The following CAPN15 variants were observed in gnomAD, a reference collection of about 807,000 sequenced individuals.
CAPN15 encodes calpain 15, also known as calpain-15.
Under a neutral mutation model 97.9 loss-of-function variants are expected in CAPN15, and 53 were observed. The ratio of observed to expected loss-of-function variants is 0.54; its 90% CI spans 0.43 to 0.68. The LOEUF (loss-of-function observed/expected upper bound fraction) is 0.68. Among genes scored for constraint, CAPN15 ranks in the 30% least tolerant of loss-of-function variants. The pLI is 0.00. For missense variants in CAPN15, 1,592 were observed against 1,589.8 expected, an observed-to-expected ratio of 1.00 and a Z score of -0.02; for synonymous variants, 922 against 722.5, an observed-to-expected ratio of 1.28 and a Z score of -4.43.
At position 547,300 on chromosome 16, in the gene CAPN15, G is replaced by T; in HGVS notation, c.462G>T (p.Leu154=). The T allele has an allele frequency of 6.6e-7, 1 of 1,522,930 alleles. No individual in the cohort carries two copies. Among genetic ancestry groups the T allele is most frequent in the African/African-American group, 1.4e-5 (1 of 72,952 alleles). The allele number at this position is 1,522,930 out of a possible 1,614,324, so 94.3% of individuals were successfully genotyped here. ...GCTGGGCGTGTCCGCGTTGCACGCT[G>T]CACAACACGCCCGTGGCCAGCTCCT... ...RGGWACPRCT[L]HNTPVASSCS... is the part of the protein sequence containing the mutation. Residue 154 remains leucine, a synonymous_variant, in exon 4 of 14, where the codon CTG becomes CTT. Coordinates refer to ENST00000219611, the MANE Select transcript of CAPN15 (RefSeq NM_005632.3).
intron 4 of CAPN15, 130 bp from the exon 5 acceptor site, chr16:548,863 G>C: frequency 1.2e-6 from 1 of 852,110 alleles, no homozygotes. Context: ...GTCTGTGGCT[G>C]TCCACGCTCC....
At chr16:546,732 G>T (rs533014229) in intron 3 of CAPN15, 85 bp from the exon 4 acceptor site, 6 of 1,453,364 alleles carry the variant, frequency 4.1e-6, no homozygotes, top group Non-Finnish European at 5.5e-6. Flanking sequence ...GCCACAGACG[G>T]GTGCCTTCCC....
At chr16:545,704 G>C (rs990469639) in intron 3 of CAPN15, among the ~76,000 whole-genome samples, 7 of 152,342 alleles carry the variant, frequency 4.6e-5, no homozygotes, top group African/African-American at 1.7e-4. Context: ...GACAACTACA[G>C]GGCCAAAGGG....
rs1011699854 is a variant in CAPN15 at position 552,727 on chromosome 16, G to A, written c.2860G>A (p.Asp954Asn). ...PVEAQPTTLA[D>N]AIILLTESRG... Reference sequence around the variant, plus strand: ...GGAAGCCCAGCCGACCACGCTGGCCGACGCCATCATCCTGCTCACCGAGAG... The same window carrying A: ...GGAAGCCCAGCCGACCACGCTGGCCAACGCCATCATCCTGCTCACCGAGAG... Residue 954 changes from aspartate to asparagine, a missense_variant, in exon 12 of 14, where the codon GAC becomes AAC. Coordinates refer to ENST00000219611, the MANE Select transcript of CAPN15 (RefSeq NM_005632.3). This position sits in a 1 kb window ranked among gnomAD's most constrained non-coding sequence, Gnocchi z 6.4. 49 of 1,544,426 alleles carry A rather than the reference G, an allele frequency of 3.2e-5. No homozygotes were observed. Among genetic ancestry groups the A allele is most frequent in the Non-Finnish European group, 3.9e-5 (45 of 1,145,794 alleles).
chr16:543,655 C>T (rs2034312988), intron 3 of CAPN15, among the ~76,000 whole-genome samples: 1 of 152,162 alleles, frequency 6.6e-6, no homozygotes, highest in Admixed American at 6.5e-5. Flanking sequence ...GTGAGGAGAC[C>T]CCCAGGCTAG....
At position 552,780 on chromosome 16, in the gene CAPN15, G is replaced by GGGTCCCGGGGGAGGGTGGC. The variant is rs2035189345; in HGVS notation, c.2904+11_2904+29dup. On this transcript the variant is annotated intron_variant, in intron 12 of 13. Coordinates refer to ENST00000219611, the MANE Select transcript of CAPN15 (RefSeq NM_005632.3). The surrounding 1 kb of genome is among the most constrained non-coding windows in gnomAD (Gnocchi z 6.4). Reference sequence around the variant, plus strand: ...GCGGAGAGCGGCACGAGGTGGGTGGGGGTCCCGGGGGAGGGTGGCGTGGGG... The same window carrying GGGTCCCGGGGGAGGGTGGC: ...GCGGAGAGCGGCACGAGGTGGGTGGGGGTCCCGGGGGAGGGTGGCGGTCCCGGGGGAGGGTGGCGTGGGG... The GGGTCCCGGGGGAGGGTGGC allele has an allele frequency of 1.3e-6, 2 of 1,525,092 alleles. No homozygotes were observed. Among genetic ancestry groups the GGGTCCCGGGGGAGGGTGGC allele is most frequent in the African/African-American group, 2.8e-5 (2 of 72,056 alleles). 94.5% of individuals were successfully genotyped at this position (1,525,092 alleles called of 1,614,324 possible). A position where few individuals can be genotyped will look rare whatever the true frequency, so the allele number is the denominator to read the frequency against.
intron 3 of CAPN15, among the ~76,000 whole-genome samples, chr16:544,780 T>TCGC (rs1450349127): frequency 6.8e-5 from 1 of 14,674 alleles, no homozygotes; most frequent in East Asian, 2.7e-3. Context: ...CCCCACGTCG[T>TCGC]CTCCCCCACG....
At position 549,600 on chromosome 16, in the gene CAPN15, C is replaced by T. The variant is rs778531307; in HGVS notation, c.1843-15C>T. ...GGGGGCGGGCGGGGGTGGCCTCTGA[C>T]CCGGCCCTCTGCAGGCGCAGCGGAA... On this transcript the variant is annotated splice_polypyrimidine_tract_variant and intron_variant, in intron 6 of 13. Coordinates refer to ENST00000219611, the MANE Select transcript of CAPN15 (RefSeq NM_005632.3). 3.3e-6 allele frequency: 5 copies of T among 1,529,970 alleles called. No individual in the cohort carries two copies. In the Admixed American group the frequency reaches 5.8e-5, roughly 18 times the overall value. 94.8% of individuals were successfully genotyped at this position (1,529,970 alleles called of 1,614,324 possible). A position where few individuals can be genotyped will look rare whatever the true frequency, so the allele number is the denominator to read the frequency against.
chr16:551,184 G>A lies in CAPN15; in HGVS notation c.2067-118G>A, dbSNP rs554577579. Reference sequence around the variant, plus strand: ...CGTCGGTGAGGGTCCCGGTCGGTGAGGGCCCCGGTCGGTGAGGGTCCCCAG... The same window carrying A: ...CGTCGGTGAGGGTCCCGGTCGGTGAAGGCCCCGGTCGGTGAGGGTCCCCAG... On this transcript the variant is annotated intron_variant, in intron 7 of 13. Coordinates refer to ENST00000219611, the MANE Select transcript of CAPN15 (RefSeq NM_005632.3). 2.1e-5 allele frequency: 30 copies of A among 1,458,084 alleles called. 3 individuals are homozygous for A. The African/African-American group carries it at 4.4e-4, about 21-fold the overall frequency. 90.3% of individuals were successfully genotyped at this position (1,458,084 alleles called of 1,614,324 possible).
chr16:546,405 G>A (rs1023113346), intron 3 of CAPN15, among the ~76,000 whole-genome samples: 5 of 152,140 alleles, frequency 3.3e-5, no homozygotes, highest in Non-Finnish European at 7.4e-5. Context: ...CCCAGGCCCC[G>A]GCCCATGCAC....
At position 551,783 on chromosome 16, in the gene CAPN15, A is replaced by G. The variant is rs555117732; in HGVS notation, c.2345+119A>G. The G allele has an allele frequency of 1.5e-5, 20 of 1,316,670 alleles. 1 individual carries two copies. The South Asian group carries it at 2.3e-4, about 15-fold the overall frequency. The allele number at this position is 1,316,670 out of a possible 1,614,324, so 81.6% of individuals were successfully genotyped here. ...GGGTGGGGCGGCTTGTTCGTGGCCCAAATGGGACCTGGAGCTTCAGCTCCA... is the reference window on the plus strand; with the variant it reads ...GGGTGGGGCGGCTTGTTCGTGGCCCGAATGGGACCTGGAGCTTCAGCTCCA... On this transcript the variant is annotated intron_variant, in intron 9 of 13. Transcript: ENST00000219611.
rs899715240 is a variant in CAPN15 at position 552,096 on chromosome 16, G to A, written c.2391G>A (p.Gln797=). ...TCTGTAAGGTGCACTCGGACTGGCA[G>A]GAGGCGCGGGTGCAGGGCTGCTTTC... ...VDICKVHSDW[Q]EARVQGCFPS... The change falls in exon 10 of 14, where the codon CAG becomes CAA. Residue 797 remains glutamine, a synonymous_variant. Coordinates refer to ENST00000219611, the MANE Select transcript of CAPN15 (RefSeq NM_005632.3). This position sits in a 1 kb window ranked among gnomAD's most constrained non-coding sequence, Gnocchi z 6.4. 3.2e-6 allele frequency: 5 copies of A among 1,549,154 alleles called. No homozygotes were observed. Among genetic ancestry groups the A allele is most frequent in the Non-Finnish European group, 4.4e-6 (5 of 1,146,908 alleles).
chr16:534,255 C>A (rs1475776037), intron 2 of CAPN15, among the ~76,000 whole-genome samples: 3 of 29,728 alleles, frequency 1.0e-4, no homozygotes, highest in Non-Finnish European at 1.5e-4. Context: ...CCTTTGGGGA[C>A]CTCCCCTGTG....
intron 7 of CAPN15, among the ~76,000 whole-genome samples, chr16:550,588 C>T (rs527674933): frequency 5.9e-5 from 9 of 151,502 alleles, no homozygotes; most frequent in South Asian, 2.1e-4. Flanking sequence ...TGCCCCCAGT[C>T]GGTGAGGGCC....
At chr16:551,911 C>A in intron 9 of CAPN15, 140 bp from the exon 10 acceptor site, 1 of 1,068,092 alleles carries the variant, frequency 9.4e-7, no homozygotes, top group African/African-American at 1.6e-5. Context: ...GGGATGGGCC[C>A]CCGGGGGCCG....
chr16:535,489 AG>A lies in CAPN15; in HGVS notation c.-136-537del, dbSNP rs2033638922. The A allele has an allele frequency of 6.5e-6, 1 of 154,202 alleles. No individual in the cohort carries two copies. The highest frequency in any genetic ancestry group is 2.4e-5 in the African/African-American group (1 of 41,512). The allele number at this position is 154,202 out of a possible 1,614,324, so 9.6% of individuals were successfully genotyped here. ...CTGCTCATTAACCACTTGTCCCCAC[AG>A]GGCAGTGGCGGCCTCACCTCTGCAA... On this transcript the variant is annotated intron_variant, in intron 2 of 13. Coordinates refer to ENST00000219611, the MANE Select transcript of CAPN15 (RefSeq NM_005632.3). The surrounding 1 kb of genome is among the most constrained non-coding windows in gnomAD (Gnocchi z 6.2).
At chr16:532,219 G>A (rs1329533969) in intron 1 of CAPN15, among the ~76,000 whole-genome samples, 6 of 145,592 alleles carry the variant, frequency 4.1e-5, no homozygotes, top group East Asian at 2.0e-4. Context: ...CAGCCTAGGC[G>A]ACAGAGCTAT....
At chr16:549,250 C>T (rs1475541622) in intron 5 of CAPN15, 38 bp from the exon 6 acceptor site, 18 of 1,547,426 alleles carry the variant, frequency 1.2e-5, no homozygotes, top group Non-Finnish European at 1.6e-5. Context: ...GGGCGACCGG[C>T]CGCGGTCCCC....
rs1440938457 is a variant in CAPN15 at position 552,577 on chromosome 16, G to A, written c.2738-28G>A. The A allele has an allele frequency of 2.6e-6, 4 of 1,558,274 alleles. No individual in the cohort carries two copies. In the East Asian group the frequency reaches 7.1e-5, roughly 28 times the overall value. ...CTCATGCCCCAGGCCCACGGGGAGG[G>A]CTGCGGTTCACACGCCCGTCCTTGT... On this transcript the variant is annotated intron_variant, in intron 11 of 13. Transcript: ENST00000219611. The surrounding 1 kb of genome is among the most constrained non-coding windows in gnomAD (Gnocchi z 6.4).
Sources: gnomAD v4.1 joint callset for allele counts (sites outside exome capture counted in the v4.1 genomes callset) on GRCh38, gnomAD v4.1.1 for gene constraint, Gnocchi (gnomAD v3.1) non-coding constraint, MANE v1.5 for transcripts, NCBI Gene and HGNC (gene_info 2026-07-23, HGNC 2026-07-21) for gene names.